CRACDL: variants seen among roughly 807,000 people sequenced by gnomAD.
CRACDL encodes the protein CRACD-like protein.
CRACDL carries 26 observed loss-of-function variants against 70.6 expected under a neutral mutation model. That is an observed-to-expected ratio of 0.37 (90% CI 0.27 to 0.51). CRACDL has a LOEUF of 0.51. CRACDL is among the 20% of genes least tolerant of loss of function. The probability of loss-of-function intolerance (pLI) is 0.94; values close to 1 mark genes in which losing one functional copy is unlikely to be tolerated. For synonymous variants in CRACDL, 618 were observed against 615.2 expected (o/e 1.00, Z -0.07); for missense variants, 1,283 against 1,376.9 (o/e 0.93, Z 1.08).
intron 1 of CRACDL, among the ~76,000 whole-genome samples, chr2:98,884,798 A>G (rs1464715894): frequency 6.6e-6 from 1 of 152,184 alleles, no homozygotes; most frequent in Non-Finnish European, 1.5e-5. Flanking sequence ...CAACGCCTTC[A>G]TCTTGAACTT....
At chr2:98,869,477 C>T (rs933973010) in intron 1 of CRACDL, 1 of 260,820 alleles carries the variant, frequency 3.8e-6, no homozygotes, top group African/African-American at 2.2e-5. Flanking sequence ...TGATTGGCAT[C>T]CCCACTGAGT....
At chr2:98,810,146 GA>G (rs1262043749) in intron 7 of CRACDL, among the ~76,000 whole-genome samples, 1 of 152,280 alleles carries the variant, frequency 6.6e-6, no homozygotes, top group Non-Finnish European at 1.5e-5. Context: ...AACAGAGGAA[GA>G]AAAACCCTGG....
intron 1 of CRACDL, among the ~76,000 whole-genome samples, chr2:98,899,719 C>T (rs1036175262): frequency 2.6e-5 from 4 of 152,326 alleles, no homozygotes; most frequent in Admixed American, 1.3e-4. Flanking sequence ...CCGAGGCTGG[C>T]GCTGTTAAGA....
At chr2:98,827,694 A>C (rs1356632505) in intron 5 of CRACDL, among the ~76,000 whole-genome samples, 1 of 151,918 alleles carries the variant, frequency 6.6e-6, no homozygotes, top group African/African-American at 2.4e-5. Context: ...GAAACCAGCT[A>C]CTCTTTCCCA....
rs1705339498 is a variant in CRACDL at position 98,827,157 on chromosome 2, A to G, written c.553T>C (p.Ser185Pro). ...GTGCTGTCGCTCACGTGGTCTGGAGACACGACAGAGACCTTCGTGGGACAA... is the reference window on the plus strand; with the variant it reads ...GTGCTGTCGCTCACGTGGTCTGGAGGCACGACAGAGACCTTCGTGGGACAA... ...PGTTIKVSVVSPDHVSDSTVS... is the reference protein window; with the variant it reads ...PGTTIKVSVVPPDHVSDSTVS... The change falls in exon 6 of 10, where the codon TCT (serine) becomes CCT (proline). Residue 185 changes from serine to proline, a missense_variant. Physicochemically the swap from Ser to Pro is moderately conservative, Grantham distance 74 (BLOSUM62 -1). This residue lies in a region of CRACDL where 362 missense variants were observed against 495.0 expected (regional missense o/e 0.73). Transcript: ENST00000397899. The G allele has an allele frequency of 6.2e-7, 1 of 1,613,518 alleles. No homozygotes were observed. The highest frequency in any genetic ancestry group is 8.5e-7 in the Non-Finnish European group (1 of 1,179,602).
intron 1 of CRACDL, among the ~76,000 whole-genome samples, chr2:98,924,661 C>A (rs1708872751): frequency 6.6e-6 from 1 of 152,178 alleles, no homozygotes; most frequent in African/African-American, 2.4e-5. Context: ...CATGCCTCCC[C>A]TAAGGGGCCC....
At chr2:98,878,988 C>T (rs1707563761) in intron 1 of CRACDL, among the ~76,000 whole-genome samples, 1 of 152,194 alleles carries the variant, frequency 6.6e-6, no homozygotes, top group Admixed American at 6.5e-5. Context: ...TCCCTCTGGC[C>T]TGGCCCAGTG....
intron 1 of CRACDL, among the ~76,000 whole-genome samples, chr2:98,861,343 AAACAACAAC>A (rs200078188): frequency 1.8e-4 from 28 of 152,038 alleles, no homozygotes; most frequent in African/African-American, 6.5e-4. Context: ...CAGGTCTCAA[AAACAACAAC>A]AACAACAACA....
chr2:98,935,720 G>C (rs1709188934), intron 1 of CRACDL, among the ~76,000 whole-genome samples: 1 of 152,196 alleles, frequency 6.6e-6, no homozygotes, highest in East Asian at 1.9e-4. Context: ...TTGGGCACTT[G>C]CACGAGCGCG....
intron 1 of CRACDL, among the ~76,000 whole-genome samples, chr2:98,915,379 G>A (rs17758170): frequency 0.37 from 56,815 of 152,054 alleles, 11,059 homozygotes; most frequent in Admixed American, 0.5. Flanking sequence ...GGCACCTCCT[G>A]GAACCCTCAG....
intron 2 of CRACDL, among the ~76,000 whole-genome samples, chr2:98,845,858 G>T (rs1706234224): frequency 6.6e-6 from 1 of 152,040 alleles, no homozygotes; most frequent in South Asian, 2.1e-4. Flanking sequence ...ATGTGACAGA[G>T]GAAAAATGGT....
At chr2:98,869,100 G>A (rs1288222391) in intron 1 of CRACDL, 3 of 1,304,268 alleles carry the variant, frequency 2.3e-6, no homozygotes, top group Non-Finnish European at 3.0e-6. Context: ...CTGATGCACT[G>A]GTAAAAGGCA....
chr2:98,911,718 G>C (rs1272398362), intron 1 of CRACDL, among the ~76,000 whole-genome samples: 2 of 152,240 alleles, frequency 1.3e-5, no homozygotes, highest in Admixed American at 6.5e-5. Flanking sequence ...GGACAGGTCA[G>C]GGCAGAAACC....
intron 1 of CRACDL, among the ~76,000 whole-genome samples, chr2:98,856,526 C>T (rs764791403): frequency 2.0e-5 from 3 of 152,058 alleles, no homozygotes; most frequent in Non-Finnish European, 2.9e-5. Context: ...AAATCAGAGG[C>T]ATCAATAAAG....
chr2:98,869,791 T>G (rs1274461692), intron 1 of CRACDL, among the ~76,000 whole-genome samples: 3 of 152,186 alleles, frequency 2.0e-5, no homozygotes, highest in Admixed American at 6.5e-5. Context: ...AGTTTTCTTT[T>G]TACTTTTCCT....
intron 1 of CRACDL, among the ~76,000 whole-genome samples, chr2:98,916,628 A>T (rs1471557957): frequency 6.6e-6 from 1 of 152,100 alleles, no homozygotes; most frequent in Non-Finnish European, 1.5e-5. Flanking sequence ...CTACTCCCAC[A>T]CATAAATATC....
intron 6 of CRACDL, among the ~76,000 whole-genome samples, chr2:98,825,360 C>T (rs1324472017): frequency 6.6e-6 from 1 of 152,226 alleles, no homozygotes; most frequent in East Asian, 1.9e-4. Flanking sequence ...AGGCTGGCTA[C>T]ATCAGGTTTT....
chr2:98,885,442 T>C (rs544462759), intron 1 of CRACDL, among the ~76,000 whole-genome samples: 1 of 152,274 alleles, frequency 6.6e-6, no homozygotes, highest in Admixed American at 6.5e-5. Context: ...TTTTAAAGTT[T>C]CTCAGCAGAA....
chr2:98,801,506 A>G (rs1704074284), intron 7 of CRACDL, among the ~76,000 whole-genome samples: 1 of 152,210 alleles, frequency 6.6e-6, no homozygotes, highest in Non-Finnish European at 1.5e-5. Flanking sequence ...GGGGCCTAGG[A>G]GGCCTCTCTG....
Sources: allele counts gnomAD v4.1 joint callset (sites outside exome capture counted in the v4.1 genomes callset), GRCh38; gene constraint gnomAD v4.1.1; regional missense constraint gnomAD v4.1.1; transcripts MANE v1.5; gene names NCBI Gene and HGNC (gene_info 2026-07-23, HGNC 2026-07-21).